KCNAB1: variants seen among roughly 807,000 people sequenced by gnomAD.
The protein encoded by KCNAB1 is voltage-gated potassium channel subunit beta-1.
Under a neutral mutation model 64.6 loss-of-function variants are expected in KCNAB1, and 35 were observed. That is an observed-to-expected ratio of 0.54 (90% CI 0.41 to 0.72). The LOEUF (loss-of-function observed/expected upper bound fraction) is 0.72, where lower values mean the gene tolerates loss of function less well. KCNAB1 is among the 30% of genes least tolerant of loss of function. The pLI, the probability that KCNAB1 is intolerant of heterozygous loss-of-function variation, is 0.00. For missense variants in KCNAB1, 401 were observed against 512.9 expected, an observed-to-expected ratio of 0.78 and a Z score of 2.11; for synonymous variants, 177 against 183.8, an observed-to-expected ratio of 0.96 and a Z score of 0.30.
intron 1 of KCNAB1, among the ~76,000 whole-genome samples, chr3:156,246,634 C>CAAAAAA (rs11293726): frequency 7.9e-6 from 1 of 125,978 alleles, no homozygotes; most frequent in Non-Finnish European, 1.6e-5. Flanking sequence ...AAAAAAGCAG[C>CAAAAAA]AAAAAAAAAA....
chr3:156,327,867 T>G (rs1295199951), intron 1 of KCNAB1, among the ~76,000 whole-genome samples: 1 of 152,182 alleles, frequency 6.6e-6, no homozygotes, highest in Non-Finnish European at 1.5e-5. Context: ...TTCAAGTTCT[T>G]GACTCTCTAC....
At chr3:156,145,086 G>A (rs888052104) in intron 1 of KCNAB1, among the ~76,000 whole-genome samples, 2 of 152,142 alleles carry the variant, frequency 1.3e-5, no homozygotes, top group African/African-American at 2.4e-5. Context: ...GGTTTTGGGC[G>A]ACTCTTCATG....
chr3:156,137,697 T>A (rs1163256602), intron 1 of KCNAB1, among the ~76,000 whole-genome samples: 1 of 148,298 alleles, frequency 6.7e-6, no homozygotes, highest in Non-Finnish European at 1.5e-5. Flanking sequence ...AGGCACCCGC[T>A]ACCACGTCTG....
chr3:156,204,951 A>T (rs1714563175), intron 1 of KCNAB1, among the ~76,000 whole-genome samples: 1 of 152,214 alleles, frequency 6.6e-6, no homozygotes, highest in Admixed American at 6.5e-5. Flanking sequence ...TTTTTTTAAA[A>T]ATTGTGGTAT....
At chr3:156,291,033 C>A (rs1292357267) in intron 1 of KCNAB1, 1 of 985,694 alleles carries the variant, frequency 1.0e-6, no homozygotes, top group Non-Finnish European at 1.2e-6. Flanking sequence ...CTCTGCCTTC[C>A]CCCAGTTCCA....
At chr3:156,520,349 G>A (rs1717859327) in intron 11 of KCNAB1, among the ~76,000 whole-genome samples, 1 of 152,182 alleles carries the variant, frequency 6.6e-6, no homozygotes, top group Non-Finnish European at 1.5e-5. Flanking sequence ...GGGAGGTGGA[G>A]GTGGGCAGAT....
chr3:156,123,244 T>C (rs576919195), intron 1 of KCNAB1, among the ~76,000 whole-genome samples: 3 of 152,256 alleles, frequency 2.0e-5, no homozygotes, highest in Admixed American at 6.5e-5. Flanking sequence ...TATTGAAGAG[T>C]CCTTGAAGAC....
chr3:156,258,320 G>A (rs1325019615), intron 1 of KCNAB1, among the ~76,000 whole-genome samples: 1 of 152,184 alleles, frequency 6.6e-6, no homozygotes. Context: ...GGTCATTTTA[G>A]CACATTTCAG....
At chr3:156,383,502 G>A (rs1197421033) in intron 1 of KCNAB1, among the ~76,000 whole-genome samples, 1 of 152,126 alleles carries the variant, frequency 6.6e-6, no homozygotes. Flanking sequence ...AATTATCCCA[G>A]TTTTGCACTG....
chr3:156,471,356 A>ATT (rs372461345), intron 7 of KCNAB1, among the ~76,000 whole-genome samples: 1 of 150,528 alleles, frequency 6.6e-6, no homozygotes, highest in African/African-American at 2.4e-5. Flanking sequence ...ATGGACTTAG[A>ATT]TTTTTTTTTT....
intron 1 of KCNAB1, among the ~76,000 whole-genome samples, chr3:156,137,925 C>G (rs1191877972): frequency 6.6e-6 from 1 of 152,142 alleles, no homozygotes; most frequent in African/African-American, 2.4e-5. Flanking sequence ...GATGTTGTCT[C>G]AGGGTATCTT....
At chr3:156,372,344 G>C (rs972753384) in intron 1 of KCNAB1, among the ~76,000 whole-genome samples, 1 of 152,206 alleles carries the variant, frequency 6.6e-6, no homozygotes, top group African/African-American at 2.4e-5. Flanking sequence ...GTAAAATGAG[G>C]ATGATAATAT....
chr3:156,497,117 T>C (rs1440629971), intron 8 of KCNAB1, among the ~76,000 whole-genome samples: 1 of 152,222 alleles, frequency 6.6e-6, no homozygotes, highest in Admixed American at 6.5e-5. Flanking sequence ...TATTCTAACA[T>C]ACCAAGTTTT....
intron 1 of KCNAB1, among the ~76,000 whole-genome samples, chr3:156,145,814 T>G (rs983775146): frequency 6.6e-6 from 1 of 152,102 alleles, no homozygotes. Context: ...TCCCACTTAC[T>G]CTGTAGTGTC....
At chr3:156,329,932 T>C (rs957112058) in intron 1 of KCNAB1, among the ~76,000 whole-genome samples, 5 of 152,184 alleles carry the variant, frequency 3.3e-5, no homozygotes, top group Non-Finnish European at 5.9e-5. Context: ...TCAGAGTTTA[T>C]AATCAACCCC....
chr3:156,146,626 C>T (rs1351003444), intron 1 of KCNAB1, among the ~76,000 whole-genome samples: 1 of 152,176 alleles, frequency 6.6e-6, no homozygotes, highest in African/African-American at 2.4e-5. Flanking sequence ...ATTTCATGCT[C>T]CAGGTTCGTA....
chr3:156,516,400 T>C, intron 11 of KCNAB1, 36 bp downstream of exon 11: 1 of 1,435,592 alleles, frequency 7.0e-7, no homozygotes, highest in Non-Finnish European at 9.8e-7. Flanking sequence ...AGCCTGGGAG[T>C]AGGAAGGAGG....
At chr3:156,480,766 G>A (rs1214383083) in intron 8 of KCNAB1, among the ~76,000 whole-genome samples, 3 of 152,004 alleles carry the variant, frequency 2.0e-5, no homozygotes, top group African/African-American at 7.2e-5. Flanking sequence ...ATTAGGATCA[G>A]CCACATTTCA....
chr3:156,504,751 G>GTTTTTTTTTTTTTTTTTT (rs71302274), intron 8 of KCNAB1, among the ~76,000 whole-genome samples: 1 of 132,750 alleles, frequency 7.5e-6, no homozygotes, highest in Non-Finnish European at 1.6e-5. Context: ...TGTTTTTTTT[G>GTTTTTTTTTTTTTTTTTT]TTTTTTTTTT....
Sources: allele counts gnomAD v4.1 joint callset (sites outside exome capture counted in the v4.1 genomes callset), GRCh38; gene constraint gnomAD v4.1.1; transcripts MANE v1.5; gene names NCBI Gene and HGNC (gene_info 2026-07-23, HGNC 2026-07-21).